Variants in MEIS1 observed in about 807,000 individuals in gnomAD.
MEIS1 encodes the protein Meis homeobox 1, also known as homeobox protein Meis1.
MEIS1 carries 5 observed loss-of-function variants against 50.8 expected under a neutral mutation model. The observed-to-expected ratio is 0.10, with a 90% confidence interval of 0.05 to 0.21. The LOEUF is 0.21. MEIS1 is among the 10% of genes least tolerant of loss of function. MEIS1 has a pLI of 1.00. For missense variants in MEIS1, 318 were observed against 517.3 expected (o/e 0.61, Z 3.74); for synonymous variants, 176 against 179.3 (o/e 0.98, Z 0.15).
At chr2:66,448,129 AAGAAG>A (rs929631925) in intron 6 of MEIS1, among the ~76,000 whole-genome samples, 17 of 152,208 alleles carry the variant, frequency 1.1e-4, no homozygotes, top group African/African-American at 4.1e-4. Context: ...ATAATAGAGG[AAGAAG>A]AGAAGAGAAG....
At chr2:66,516,869 G>A (rs941748434) in intron 8 of MEIS1, among the ~76,000 whole-genome samples, 2 of 152,142 alleles carry the variant, frequency 1.3e-5, no homozygotes, top group Non-Finnish European at 2.9e-5. Flanking sequence ...TCTTAGTGTC[G>A]TATCCCTCCT....
chr2:66,571,420 A>G lies in MEIS1; in HGVS notation c.*212A>G. 1.2e-6 allele frequency: 2 copies of G among 1,606,468 alleles called. No homozygotes were observed. Among genetic ancestry groups the G allele is most frequent in the South Asian group, 1.1e-5 (1 of 90,220 alleles). ...CCTCACCACCCAACAGTGATGATGC[A>G]TGGAGGACCGCCCCACCCTGGAATG... On this transcript the variant is annotated 3_prime_UTR_variant, in exon 13 of 13. Coordinates refer to ENST00000272369, the MANE Select transcript of MEIS1 (RefSeq NM_002398.3).
intron 7 of MEIS1, among the ~76,000 whole-genome samples, chr2:66,486,926 G>A (rs1382462024): frequency 4.6e-5 from 7 of 152,160 alleles, no homozygotes; most frequent in African/African-American, 1.7e-4. Flanking sequence ...GAATGCTTAT[G>A]ATTTTGCACA....
rs1490379535 is a variant in MEIS1, at chr2:66,439,595, C to G, written c.240-248C>G. On this transcript the variant is annotated intron_variant, in intron 2 of 12. Coordinates refer to ENST00000272369, the MANE Select transcript of MEIS1 (RefSeq NM_002398.3). ...AGCAAATGTTGCCAATTTCTCCGGCCAGATACGCTAAACCGATCCTCAGAT... is the reference window on the plus strand; with the variant it reads ...AGCAAATGTTGCCAATTTCTCCGGCGAGATACGCTAAACCGATCCTCAGAT... 3 of 1,531,392 alleles carry G rather than the reference C, an allele frequency of 2.0e-6. No individual in the cohort carries two copies. The Admixed American group carries it at 6.0e-5, about 31-fold the overall frequency. 94.9% of individuals were successfully genotyped at this position (1,531,392 alleles called of 1,614,324 possible).
chr2:66,567,397 C>T (rs368854907), intron 9 of MEIS1, 56 bp from the exon 10 acceptor site: 43 of 1,559,212 alleles, frequency 2.8e-5, no homozygotes, highest in Non-Finnish European at 9.6e-6. Context: ...TCCTCTTCCT[C>T]AACCCCCCCT....
chr2:66,571,179 GC>G, intron 12 of MEIS1, 66 bp from the exon 13 acceptor site: 1 of 1,496,472 alleles, frequency 6.7e-7, no homozygotes, highest in Admixed American at 2.3e-5. Flanking sequence ...GATTGTCATA[GC>G]CAGGACCACA....
intron 6 of MEIS1, among the ~76,000 whole-genome samples, chr2:66,444,069 A>C (rs1428288911): frequency 6.6e-6 from 1 of 152,212 alleles, no homozygotes; most frequent in African/African-American, 2.4e-5. Context: ...ATGAAAGTGA[A>C]AACGTGTAGA....
intron 7 of MEIS1, among the ~76,000 whole-genome samples, chr2:66,480,065 G>T (rs1469032856): frequency 6.6e-6 from 1 of 152,182 alleles, no homozygotes; most frequent in Non-Finnish European, 1.5e-5. Context: ...GGTTCCTGGA[G>T]TGATAAGAGG....
At chr2:66,467,751 A>G (rs766248984) in intron 7 of MEIS1, among the ~76,000 whole-genome samples, 6 of 152,192 alleles carry the variant, frequency 3.9e-5, no homozygotes, top group Non-Finnish European at 8.8e-5. Context: ...ATTATTTATC[A>G]TGATGACCCT....
intron 8 of MEIS1, among the ~76,000 whole-genome samples, chr2:66,533,598 A>G (rs1174742983): frequency 6.6e-6 from 1 of 152,218 alleles, no homozygotes; most frequent in Non-Finnish European, 1.5e-5. Flanking sequence ...AACTCAAGAG[A>G]AGTTGTAGCT....
chr2:66,534,813 C>T (rs755606092), intron 8 of MEIS1, among the ~76,000 whole-genome samples: 9 of 152,074 alleles, frequency 5.9e-5, no homozygotes, highest in African/African-American at 1.4e-4. Flanking sequence ...GAGGAACAAA[C>T]GAATCAATCC....
intron 7 of MEIS1, among the ~76,000 whole-genome samples, chr2:66,494,243 C>A (rs935864301): frequency 3.3e-5 from 5 of 152,272 alleles, no homozygotes; most frequent in African/African-American, 1.2e-4. Flanking sequence ...GAAGAGTTAG[C>A]AAACCTCTAG....
At chr2:66,535,783 A>AT (rs5831818) in intron 8 of MEIS1, among the ~76,000 whole-genome samples, 5 of 151,746 alleles carry the variant, frequency 3.3e-5, no homozygotes, top group African/African-American at 1.2e-4. Flanking sequence ...AAGTTTTTAG[A>AT]TTTTTTTTTT....
chr2:66,482,872 A>T (rs1413061466), intron 7 of MEIS1, among the ~76,000 whole-genome samples: 1 of 152,198 alleles, frequency 6.6e-6, no homozygotes, highest in Non-Finnish European at 1.5e-5. Flanking sequence ...AGGGGGCTTC[A>T]GTGTAGGATC....
At chr2:66,441,287 G>T in intron 4 of MEIS1, 127 bp from the exon 5 acceptor site, 1 of 738,878 alleles carries the variant, frequency 1.4e-6, no homozygotes, top group African/African-American at 1.9e-5. Flanking sequence ...AAGTTTTAGT[G>T]TTATTGCCAT....
intron 8 of MEIS1, among the ~76,000 whole-genome samples, chr2:66,518,693 C>G (rs1477090498): frequency 3.9e-4 from 60 of 152,124 alleles, no homozygotes; most frequent in Non-Finnish European, 8.8e-5. Context: ...AATTGGAGTA[C>G]CACAAGTATA....
chr2:66,522,080 T>G (rs1674136421), intron 8 of MEIS1, among the ~76,000 whole-genome samples: 1 of 152,234 alleles, frequency 6.6e-6, no homozygotes, highest in South Asian at 2.1e-4. Context: ...GGAAAACGCC[T>G]AATACTGTAC....
chr2:66,470,815 C>T (rs1181170614), intron 7 of MEIS1, among the ~76,000 whole-genome samples: 1 of 152,080 alleles, frequency 6.6e-6, no homozygotes, highest in Non-Finnish European at 1.5e-5. Context: ...TATTATGTAG[C>T]CCTCTAGCAT....
chr2:66,512,418 C>G, intron 8 of MEIS1, 124 bp downstream of exon 8: 1 of 1,135,232 alleles, frequency 8.8e-7, no homozygotes, highest in Non-Finnish European at 1.2e-6. Flanking sequence ...TGTGTTCCCA[C>G]AGTTTTTGCA....
Sources: gnomAD v4.1 joint callset for allele counts (sites outside exome capture counted in the v4.1 genomes callset) on GRCh38, gnomAD v4.1.1 for gene constraint, MANE v1.5 for transcripts, NCBI Gene and HGNC (gene_info 2026-07-23, HGNC 2026-07-21) for gene names.